MUC12: variants seen among roughly 807,000 people sequenced by gnomAD.
MUC12 encodes the protein mucin 12, cell surface associated.
A neutral mutation model predicts 230.8 loss-of-function variants in MUC12; 172 were observed. The ratio of observed to expected loss-of-function variants is 0.75; its 90% CI spans 0.66 to 0.85. MUC12 has a LOEUF of 0.85. MUC12 is among the 40% of genes least tolerant of loss of function. The pLI is 0.00. For missense variants in MUC12, 3,506 were observed against 5,920.6 expected (o/e 0.59, Z 13.38); for synonymous variants, 1,259 against 2,401.9 (o/e 0.52, Z 13.91).
intron 1 of MUC12, among the ~76,000 whole-genome samples, chr7:100,981,188 A>C (rs1258494135): frequency 3.3e-5 from 5 of 152,162 alleles, no homozygotes; most frequent in South Asian, 2.1e-4. Flanking sequence ...TTTGGAGAAG[A>C]AGCTCAGTTT....
intron 1 of MUC12, among the ~76,000 whole-genome samples, chr7:100,982,269 C>A (rs1340682947): frequency 6.6e-6 from 1 of 152,120 alleles, no homozygotes; most frequent in Non-Finnish European, 1.5e-5. Context: ...ATTTTCCTAG[C>A]TTCCCTCTGC....
intron 1 of MUC12, among the ~76,000 whole-genome samples, chr7:100,982,855 G>A (rs1362885361): frequency 6.6e-6 from 1 of 151,944 alleles, no homozygotes; most frequent in Non-Finnish European, 1.5e-5. Flanking sequence ...TCAACCTCCT[G>A]AGTACCTGGA....
chr7:100,972,432 C>T (rs1042401533), intron 1 of MUC12, among the ~76,000 whole-genome samples: 1 of 152,302 alleles, frequency 6.6e-6, no homozygotes, highest in Admixed American at 6.5e-5. Flanking sequence ...CAAATCATCC[C>T]CTGCTCTGGG....
At chr7:101,009,873 G>A (rs1294452082) in intron 5 of MUC12, among the ~76,000 whole-genome samples, 1 of 152,196 alleles carries the variant, frequency 6.6e-6, no homozygotes, top group East Asian at 1.9e-4. Flanking sequence ...GCAGTGATGG[G>A]GGAGGAGGCT....
intron 1 of MUC12, among the ~76,000 whole-genome samples, chr7:100,982,016 G>A (rs964449224): frequency 4.6e-5 from 7 of 151,876 alleles, no homozygotes; most frequent in Non-Finnish European, 7.4e-5. Flanking sequence ...ACAGGTGCCC[G>A]CCACCATGCC....
At position 100,980,179 on chromosome 7, in the gene MUC12, G is replaced by T. The variant is rs185659522; in HGVS notation, c.68-10452G>T. 1.7e-4 allele frequency among the ~76,000 whole-genome samples: 26 copies of T among 152,202 alleles called. No homozygotes were observed. The East Asian group carries it at 4.8e-3, about 28-fold the overall frequency. On this transcript the variant is annotated intron_variant, in intron 1 of 11. Coordinates refer to ENST00000536621, the MANE Select transcript of MUC12 (RefSeq NM_001164462.2). ...CTGCCTCAGCCTCCCGAGTAGCTGGGTCTATAGGTGTGCCACCACACTCAG... is the reference window on the plus strand; with the variant it reads ...CTGCCTCAGCCTCCCGAGTAGCTGGTTCTATAGGTGTGCCACCACACTCAG...
chr7:101,013,062 C>T lies in MUC12; in HGVS notation c.15558C>T (p.Asn5186=). Residue 5186 remains asparagine (N), a synonymous_variant, in exon 8 of 12, where the codon AAC becomes AAT. Transcript: ENST00000536621. ...DVLDGKLACV[N]KCTKGTKSQM... ...TGGATGGGAAGCTGGCCTGTGTGAACAAGTGCACCAAAGGAACGAAGTCGC... is the reference window on the plus strand; with the variant it reads ...TGGATGGGAAGCTGGCCTGTGTGAATAAGTGCACCAAAGGAACGAAGTCGC... The T allele has an allele frequency of 1.3e-6, 2 of 1,537,352 alleles. No homozygotes were observed. Among genetic ancestry groups the T allele is most frequent in the Non-Finnish European group, 8.7e-7 (1 of 1,146,930 alleles).
In MUC12 at chr7:100,995,452, C is replaced by T. The variant is rs1157203787; in HGVS notation, c.4889C>T (p.Pro1630Leu). ...PGSTTASSLG[P>L]ESTTFHSSPG... ...AGTACCACAGCATCATCCCTTGGTC[C>T]AGAATCTACTACTTTCCACAGCAGC... Residue 1630 changes from proline (P) to leucine (L), a missense_variant, in exon 2 of 12, where the codon CCA becomes CTA. Pro to Leu is a moderately conservative substitution (Grantham distance 98, BLOSUM62 -3). Coordinates refer to ENST00000536621, the MANE Select transcript of MUC12 (RefSeq NM_001164462.2). 1.3e-6 allele frequency: 2 copies of T among 1,531,044 alleles called. No individual in the cohort carries two copies. The highest frequency in any genetic ancestry group is 1.2e-5 in the South Asian group (1 of 83,688). The allele number at this position is 1,531,044 out of a possible 1,614,324, so 94.8% of individuals were successfully genotyped here.
chr7:101,013,393 A>G (rs553030341), intron 8 of MUC12, among the ~76,000 whole-genome samples: 7 of 152,302 alleles, frequency 4.6e-5, no homozygotes, highest in South Asian at 4.1e-4. Context: ...CATGCTGTCA[A>G]TTTCCAAATC....
At position 100,995,461 on chromosome 7, in the gene MUC12, C is replaced by A; in HGVS notation, c.4898C>A (p.Thr1633Asn). The A allele has an allele frequency of 1.3e-6, 2 of 1,526,876 alleles. No individual in the cohort carries two copies. Among genetic ancestry groups the A allele is most frequent in the South Asian group, 2.4e-5 (2 of 83,554 alleles). 94.6% of individuals were successfully genotyped at this position (1,526,876 alleles called of 1,614,324 possible). A position where few individuals can be genotyped will look rare whatever the true frequency, so the allele number is the denominator to read the frequency against. The stretch of plus-strand genomic sequence containing the variant: ...GCATCATCCCTTGGTCCAGAATCTA[C>A]TACTTTCCACAGCAGCCCAGGCTCC... ...TTASSLGPES[T>N]TFHSSPGSTE... The change falls in exon 2 of 12, where the codon ACT becomes AAT. Residue 1633 changes from threonine to asparagine, a missense_variant. Physicochemically the swap from Thr to Asn is moderately conservative, Grantham distance 65. Coordinates refer to ENST00000536621, the MANE Select transcript of MUC12 (RefSeq NM_001164462.2).
rs1213902832 is a variant in MUC12 at position 101,004,848 on chromosome 7, T to G, written c.14285T>G (p.Ile4762Ser). 2.0e-6 allele frequency: 3 copies of G among 1,537,158 alleles called. No homozygotes were observed. Among genetic ancestry groups the G allele is most frequent in the Non-Finnish European group, 2.6e-6 (3 of 1,146,518 alleles). The change falls in exon 2 of 12, where the codon ATC becomes AGC. Residue 4762 changes from isoleucine (I) to serine (S), a missense_variant. Physicochemically the swap from Ile to Ser is moderately radical, Grantham distance 142 (BLOSUM62 -2). Transcript: ENST00000536621. ...CCTGCCAGCATGACAAGCTCCAGCA[T>G]CAGTGGAGAACCCACCAGCTTGTAT... ...LSPASMTSSS[I>S]SGEPTSLYSQ...
At chr7:100,974,825 A>AAATAATAATAAT (rs144350754) in intron 1 of MUC12, among the ~76,000 whole-genome samples, 195 of 151,648 alleles carry the variant, frequency 1.3e-3, no homozygotes, top group African/African-American at 1.9e-3. Flanking sequence ...ACCTTGTCTC[A>AAATAATAATAAT]AATAATAATA....
chr7:100,979,509 C>T (rs1178246565), intron 1 of MUC12, among the ~76,000 whole-genome samples: 5 of 151,974 alleles, frequency 3.3e-5, no homozygotes, highest in East Asian at 1.9e-4. Flanking sequence ...AGGCAGGGCA[C>T]GGTGGCTCAT....
Position 100,992,699 on chromosome 7 carries a change from A to C in MUC12, c.2136A>C (p.Glu712Asp). The stretch of plus-strand genomic sequence containing the variant: ...GCGACACAACTTCAGGCCGTGGTGA[A>C]GAATCAACAACTTCCCACAGCAGCA... ...PESDTTSGRG[E>D]ESTTSHSSTT... Residue 712 changes from glutamate (E) to aspartate (D), a missense_variant, in exon 2 of 12, where the codon GAA becomes GAC. By Grantham distance (45) the Glu-to-Asp change is conservative. Coordinates refer to ENST00000536621, the MANE Select transcript of MUC12 (RefSeq NM_001164462.2). 2 of 1,535,650 alleles carry C rather than the reference A, an allele frequency of 1.3e-6. No individual in the cohort carries two copies. Among genetic ancestry groups the C allele is most frequent in the Non-Finnish European group, 1.7e-6 (2 of 1,146,560 alleles).
intron 1 of MUC12, among the ~76,000 whole-genome samples, chr7:100,985,189 G>C (rs1451480246): frequency 6.6e-6 from 1 of 152,092 alleles, no homozygotes; most frequent in African/African-American, 2.4e-5. Flanking sequence ...AGGATAACTT[G>C]GTGGGTTGGG....
rs1265400120 is a variant in MUC12 at position 101,004,757 on chromosome 7, C to G, written c.14194C>G (p.Pro4732Ala). Residue 4732 changes from proline (P) to alanine (A), a missense_variant, in exon 2 of 12, where the codon CCA becomes GCA. Pro to Ala is a conservative substitution (Grantham distance 27). Transcript: ENST00000536621. The stretch of plus-strand genomic sequence containing the variant: ...AACATTAGCCAGCACTGCCACAACA[C>G]CAGGCCTCAGTGCAAAATCTACCAT... ...ETTLASTATT[P>A]GLSAKSTILY... is the part of the protein sequence containing the mutation. 15 of 1,536,906 alleles carry G rather than the reference C, an allele frequency of 9.8e-6. No individual in the cohort carries two copies. Among genetic ancestry groups the G allele is most frequent in the South Asian group, 4.8e-5 (4 of 84,016 alleles).
chr7:101,011,103 C>T (rs1196103505), intron 5 of MUC12, among the ~76,000 whole-genome samples: 5 of 152,090 alleles, frequency 3.3e-5, no homozygotes, highest in African/African-American at 1.2e-4. Flanking sequence ...AAAGCACCAA[C>T]ATTTAAGATC....
At chr7:100,974,372 C>A (rs200824526) in intron 1 of MUC12, among the ~76,000 whole-genome samples, 5,505 of 52,514 alleles carry the variant, frequency 0.1, no homozygotes, top group South Asian at 0.12. Context: ...GTTCTGCACA[C>A]ATCCCCACCA....
chr7:100,994,250 TGC>T lies in MUC12; in HGVS notation c.3688_3689del (p.Ala1230HisfsTer9). The T allele has an allele frequency of 9.8e-7, 1 of 1,019,752 alleles. No homozygotes were observed. The highest frequency in any genetic ancestry group is 1.3e-6 in the Non-Finnish European group (1 of 755,872). 63.2% of individuals were successfully genotyped at this position (1,019,752 alleles called of 1,614,324 possible). On this transcript the variant is annotated frameshift_variant, in exon 2 of 12. Transcript: ENST00000536621. LOFTEE classifies it high-confidence loss of function. ...CAGCCTCCACCCAAACAGGGTTACCTGCCACACTCACAACCGCAGACCTCGGT... is the reference window on the plus strand; with the variant it reads ...CAGCCTCCACCCAAACAGGGTTACCTCACACTCACAACCGCAGACCTCGGT... ...SPASTQTGLPATLTTADLGEE... is the reference protein window; with the variant it reads ...SPASTQTGLPXTLTTADLGEE...
Sources: gnomAD v4.1 joint callset for allele counts (sites outside exome capture counted in the v4.1 genomes callset) on GRCh38, gnomAD v4.1.1 for gene constraint, MANE v1.5 for transcripts, NCBI Gene and HGNC (gene_info 2026-07-23, HGNC 2026-07-21) for gene names.